The following ARFGEF2 variants were observed in gnomAD, a reference collection of about 807,000 sequenced individuals.
The protein encoded by ARFGEF2 is ARF guanine nucleotide exchange factor 2, also known as brefeldin A-inhibited guanine nucleotide-exchange protein 2.
Under a neutral mutation model 219.9 loss-of-function variants are expected in ARFGEF2, and 74 were observed. The observed-to-expected ratio is 0.34, with a 90% CI of 0.28 to 0.41. The LOEUF is 0.41. Among genes scored for constraint, ARFGEF2 ranks in the 10% least tolerant of loss-of-function variants. ARFGEF2 has a pLI of 1.00. For missense variants in ARFGEF2, 1,743 were observed against 2,218.3 expected (o/e 0.79, Z 4.30); for synonymous variants, 733 against 799.2 (o/e 0.92, Z 1.40).
rs73264237 is a variant in ARFGEF2, at chr20:48,951,202, C to A, written c.277-121C>A. On this transcript the variant is annotated intron_variant, in intron 3 of 38. Coordinates refer to ENST00000371917, the MANE Select transcript of ARFGEF2 (RefSeq NM_006420.3). Reference sequence around the variant, plus strand: ...CAGAGTGGTTATGCCTGCCTGGCTCCTGGGGAGCAGAGGACTCTGTAGGAA... The same window carrying A: ...CAGAGTGGTTATGCCTGCCTGGCTCATGGGGAGCAGAGGACTCTGTAGGAA... 0.018 allele frequency: 22,270 copies of A among 1,254,458 alleles called. 2,300 individuals carry two copies. In the African/African-American group the frequency reaches 0.26, roughly 14 times the overall value. The allele number at this position is 1,254,458 out of a possible 1,614,324, so 77.7% of individuals were successfully genotyped here. A position where few individuals can be genotyped will look rare whatever the true frequency, so the allele number is the denominator to read the frequency against.
chr20:49,005,192 G>T lies in ARFGEF2; in HGVS notation c.3555G>T (p.Arg1185Ser), dbSNP rs2078313643. The T allele has an allele frequency of 6.2e-7, 1 of 1,614,054 alleles. No homozygotes were observed. The highest frequency in any genetic ancestry group is 1.1e-5 in the South Asian group (1 of 91,088). Residue 1185 changes from arginine to serine, a missense_variant, in exon 26 of 39, where the codon AGG (arginine) becomes AGT (serine). Coordinates refer to ENST00000371917, the MANE Select transcript of ARFGEF2 (RefSeq NM_006420.3). ...TCCGTTTCCAGAAAGATTTTCTGAG[G>T]CCCTTTGAGCATATTATGAAGAAAA... ...ANFRFQKDFL[R>S]PFEHIMKKNR...
At position 48,995,710 on chromosome 20, in the gene ARFGEF2, A is replaced by G. The variant is rs2091381512; in HGVS notation, c.3122-73A>G. The G allele has an allele frequency of 4.6e-6, 6 of 1,300,136 alleles. No individual in the cohort carries two copies. The Middle Eastern group carries it at 5.5e-4, about 119-fold the overall frequency. 80.5% of individuals were successfully genotyped at this position (1,300,136 alleles called of 1,614,324 possible). A position where few individuals can be genotyped will look rare whatever the true frequency, so the allele number is the denominator to read the frequency against. ...TTATGTCCCCTGTCCCTGCGTGTTG[A>G]CATAACAGGATGCTTTGTTCTAAAT... On this transcript the variant is annotated intron_variant, in intron 22 of 38. Transcript: ENST00000371917.
At chr20:49,005,426 C>T (rs1025789989) in intron 26 of ARFGEF2, among the ~76,000 whole-genome samples, 1 of 152,080 alleles carries the variant, frequency 6.6e-6, no homozygotes, top group Non-Finnish European at 1.5e-5. Context: ...ACAGATGTCA[C>T]CCTGCAACTT....
intron 20 of ARFGEF2, among the ~76,000 whole-genome samples, 154 bp from the exon 21 acceptor site, chr20:48,990,886 A>T (rs1484238538): frequency 6.6e-6 from 1 of 152,218 alleles, no homozygotes. Context: ...GCAAGAGGGC[A>T]TTAGCATGGA....
intron 1 of ARFGEF2, among the ~76,000 whole-genome samples, chr20:48,923,153 C>A (rs2090854023): frequency 1.3e-5 from 2 of 152,080 alleles, no homozygotes; most frequent in Admixed American, 1.3e-4. Flanking sequence ...GAAGAGAGTT[C>A]TTGGTGGGAG....
chr20:49,022,978 G>A (rs2091574974), intron 34 of ARFGEF2, 73 bp from the exon 35 acceptor site: 4 of 1,593,266 alleles, frequency 2.5e-6, no homozygotes, highest in Non-Finnish European at 3.4e-6. Context: ...CTTGCACATA[G>A]TAGGAGCTCA....
chr20:48,963,240 C>G (rs1177971071), intron 6 of ARFGEF2, among the ~76,000 whole-genome samples: 1 of 151,030 alleles, frequency 6.6e-6, no homozygotes, highest in African/African-American at 2.5e-5. Context: ...TTTACGTAAG[C>G]TCTTTCCCAG....
At chr20:48,934,406 TACGTGTGCCATGGTGG>T (rs1403430605) in intron 1 of ARFGEF2, among the ~76,000 whole-genome samples, 2 of 152,334 alleles carry the variant, frequency 1.3e-5, no homozygotes, top group Admixed American at 1.3e-4. Context: ...TACATAGGTG[TACGTGTGCCATGGTGG>T]TTTGCTGCAC....
chr20:49,027,081 ATTAT>A (rs1444345656), intron 36 of ARFGEF2, among the ~76,000 whole-genome samples: 1 of 146,310 alleles, frequency 6.8e-6, no homozygotes, highest in Non-Finnish European at 1.5e-5. Context: ...TTTTTTTTTT[ATTAT>A]TTATTTTTTT....
At chr20:49,022,025 G>A (rs927512273) in intron 34 of ARFGEF2, among the ~76,000 whole-genome samples, 4 of 151,318 alleles carry the variant, frequency 2.6e-5, no homozygotes, top group Non-Finnish European at 5.9e-5. Context: ...GCGCACACCT[G>A]TAATCCCAGC....
chr20:48,971,072 G>T, intron 9 of ARFGEF2, 48 bp from the exon 10 acceptor site: 1 of 1,504,806 alleles, frequency 6.6e-7, no homozygotes, highest in South Asian at 1.1e-5. Flanking sequence ...CATACTGTTT[G>T]ACATTTTTTC....
chr20:48,976,935 C>CATTTTATTTTATTTTATTTT (rs59427522), intron 14 of ARFGEF2, among the ~76,000 whole-genome samples: 31 of 146,502 alleles, frequency 2.1e-4, no homozygotes, highest in African/African-American at 7.4e-4. Context: ...TTTTTTTAGG[C>CATTTTATTTTATTTTATTTT]ATTTTATTTT....
intron 1 of ARFGEF2, among the ~76,000 whole-genome samples, chr20:48,935,509 G>A (rs1285015813): frequency 3.9e-5 from 6 of 152,034 alleles, no homozygotes; most frequent in East Asian, 3.9e-4. Flanking sequence ...ACACAGACAC[G>A]GCAACCATCC....
chr20:49,022,753 G>A (rs1568743029), intron 34 of ARFGEF2, among the ~76,000 whole-genome samples: 1 of 151,838 alleles, frequency 6.6e-6, no homozygotes, highest in Admixed American at 6.6e-5. Flanking sequence ...TTCATTTATT[G>A]TCTGTCAACA....
At chr20:48,973,987 T>C (rs1045415695) in intron 12 of ARFGEF2, among the ~76,000 whole-genome samples, 6 of 152,182 alleles carry the variant, frequency 3.9e-5, no homozygotes, top group Non-Finnish European at 7.4e-5. Context: ...GGGTGAGCCT[T>C]AAAATTGAAT....
At chr20:49,014,428 A>C (rs1280565679) in intron 30 of ARFGEF2, among the ~76,000 whole-genome samples, 1 of 152,102 alleles carries the variant, frequency 6.6e-6, no homozygotes, top group African/African-American at 2.4e-5. Flanking sequence ...GGATAGTGAA[A>C]GGGTATTCTA....
rs776619240 is a variant in ARFGEF2, at chr20:48,952,790, A to G, written c.509A>G (p.Tyr170Cys). ...ACAGTGAGAACATGTTACAATATCTATTTGGCCAGCAAAAATCTCATCAAT... is the reference window on the plus strand; with the variant it reads ...ACAGTGAGAACATGTTACAATATCTGTTTGGCCAGCAAAAATCTCATCAAT... ...LQTVRTCYNI[Y>C]LASKNLINQT... Residue 170 changes from tyrosine (Y) to cysteine (C), a missense_variant, in exon 5 of 39, where the codon TAT becomes TGT. Tyr to Cys is a radical substitution (Grantham distance 194). Transcript: ENST00000371917. The G allele has an allele frequency of 7.4e-6, 12 of 1,614,092 alleles. No homozygotes were observed. The highest frequency in any genetic ancestry group is 5.5e-5 in the South Asian group (5 of 91,090).
intron 6 of ARFGEF2, among the ~76,000 whole-genome samples, chr20:48,963,274 A>C (rs909812223): frequency 6.7e-6 from 1 of 148,780 alleles, no homozygotes; most frequent in African/African-American, 2.5e-5. Flanking sequence ...CGGCGGGGGG[A>C]GTAAGAGATA....
In ARFGEF2 at chr20:48,974,690, T is replaced by G. The variant is rs2091249961; in HGVS notation, c.1666-76T>G. On this transcript the variant is annotated intron_variant, in intron 12 of 38. Coordinates refer to ENST00000371917, the MANE Select transcript of ARFGEF2 (RefSeq NM_006420.3). ...GATTTCTTTCTTAGCCTCACTGGGG[T>G]CCCAGAAAGCCTCGTAGATGTCTGT... 3.5e-6 allele frequency: 4 copies of G among 1,144,812 alleles called. No individual in the cohort carries two copies. In the East Asian group the frequency reaches 1.0e-4, roughly 29 times the overall value. The allele number at this position is 1,144,812 out of a possible 1,614,324, so 70.9% of individuals were successfully genotyped here.
Sources: allele counts gnomAD v4.1 joint callset (sites outside exome capture counted in the v4.1 genomes callset), GRCh38; gene constraint gnomAD v4.1.1; transcripts MANE v1.5; gene names NCBI Gene and HGNC (gene_info 2026-07-23, HGNC 2026-07-21).